Variants in RFPL4B observed in about 807,000 individuals in gnomAD.
RFPL4B encodes the protein ret finger protein-like 4B.
For synonymous variants in RFPL4B, 118 were observed against 126.3 expected, an observed-to-expected ratio of 0.93 and a Z score of 0.44; for missense variants, 314 against 327.7, an observed-to-expected ratio of 0.96 and a Z score of 0.32.
In RFPL4B at chr6:112,350,989, G is replaced by T; in HGVS notation, c.*489G>T. On this transcript the variant is annotated 3_prime_UTR_variant, in exon 3 of 3. Transcript: ENST00000441065. ...GTGAGTTATTTTGTTGATACAGCAT[G>T]AAATTTCAGAGAGACAAACTGATAT... is the stretch of plus-strand genomic sequence containing the variant. The T allele has an allele frequency of 6.3e-6, 1 of 159,184 alleles. No homozygotes were observed. 9.9% of individuals were successfully genotyped at this position (159,184 alleles called of 1,614,324 possible). A position where few individuals can be genotyped will look rare whatever the true frequency, so the allele number is the denominator to read the frequency against.
rs1265439595 is a variant in RFPL4B, at chr6:112,350,779, C to T, written c.*279C>T. On this transcript the variant is annotated 3_prime_UTR_variant, in exon 3 of 3. Coordinates refer to ENST00000441065, the MANE Select transcript of RFPL4B (RefSeq NM_001013734.3). ...TGCGGATAATTGTATCTCAGTCAAA[C>T]AGCTGTGGTAATTAGAGACAATACT... is the stretch of plus-strand genomic sequence containing the variant. 6 of 335,856 alleles carry T rather than the reference C, an allele frequency of 1.8e-5. No individual in the cohort carries two copies. The Admixed American group carries it at 2.2e-4, about 12-fold the overall frequency. 20.8% of individuals were successfully genotyped at this position (335,856 alleles called of 1,614,324 possible). A position where few individuals can be genotyped will look rare whatever the true frequency, so the allele number is the denominator to read the frequency against.
chr6:112,348,121 T>G (rs1376036447), intron 1 of RFPL4B, among the ~76,000 whole-genome samples: 1 of 152,256 alleles, frequency 6.6e-6, no homozygotes, highest in Non-Finnish European at 1.5e-5. Flanking sequence ...AACACTGAAA[T>G]GAACAACTTG....
At chr6:112,348,853 G>A (rs1200252402) in intron 1 of RFPL4B, among the ~76,000 whole-genome samples, 1 of 152,270 alleles carries the variant, frequency 6.6e-6, no homozygotes, top group African/African-American at 2.4e-5. Flanking sequence ...GTAACAGGAG[G>A]GCATCTTCCT....
intron 2 of RFPL4B, 50 bp from the exon 3 acceptor site, chr6:112,349,554 G>A: frequency 3.3e-6 from 1 of 298,510 alleles, no homozygotes; most frequent in Non-Finnish European, 6.3e-6. Context: ...ATTCATTTAT[G>A]TATGCCAATA....
chr6:112,350,581 G>T lies in RFPL4B; in HGVS notation c.*81G>T. ...GAAAGGTCAGCATGATTGAGGAAGAGATAATGTGCTATAGTGCAAAGACTT... is the reference window on the plus strand; with the variant it reads ...GAAAGGTCAGCATGATTGAGGAAGATATAATGTGCTATAGTGCAAAGACTT... On this transcript the variant is annotated 3_prime_UTR_variant, in exon 3 of 3. Transcript: ENST00000441065. 9.3e-7 allele frequency: 1 copy of T among 1,078,288 alleles called. No homozygotes were observed. The highest frequency in any genetic ancestry group is 1.6e-5 in the South Asian group (1 of 63,362). The allele number at this position is 1,078,288 out of a possible 1,614,324, so 66.8% of individuals were successfully genotyped here. A position where few individuals can be genotyped will look rare whatever the true frequency, so the allele number is the denominator to read the frequency against.
rs1432224262 is a variant in RFPL4B, at chr6:112,349,948, T to C, written c.240T>C (p.Leu80=). The C allele has an allele frequency of 1.2e-6, 2 of 1,614,096 alleles. No homozygotes were observed. The highest frequency in any genetic ancestry group is 2.2e-5 in the East Asian group (1 of 44,900). ...TLMTKQHNSR[L]EQSLHVREEL... is the part of the protein sequence containing the mutation. The stretch of plus-strand genomic sequence containing the variant: ...TGACCAAGCAGCACAATAGCCGACT[T>C]GAGCAAAGTCTGCACGTGAGGGAGG... The change falls in exon 3 of 3, where the codon CTT becomes CTC. Residue 80 remains leucine (L), a synonymous_variant. Transcript: ENST00000441065.
At position 112,349,782 on chromosome 6, in the gene RFPL4B, CTT is replaced by C; in HGVS notation, c.75_76del (p.Cys26TyrfsTer7). On this transcript the variant is annotated frameshift_variant, in exon 3 of 3. Transcript: ENST00000441065. LOFTEE classifies it low-confidence loss of function (END_TRUNC). Reference sequence around the variant, plus strand: ...TTTTTCTCCTGTTCCATTTCTCTCTCTTGTACACACGTGTTCTGCTTTGATTG... The same window carrying C: ...TTTTTCTCCTGTTCCATTTCTCTCTCGTACACACGTGTTCTGCTTTGATTG... The C allele has an allele frequency of 2.5e-6, 4 of 1,614,082 alleles. No individual in the cohort carries two copies. The highest frequency in any genetic ancestry group is 2.5e-6 in the Non-Finnish European group (3 of 1,180,022).
At position 112,350,604 on chromosome 6, in the gene RFPL4B, C is replaced by A; in HGVS notation, c.*104C>A. 1 of 892,520 alleles carries A rather than the reference C, an allele frequency of 1.1e-6. No individual in the cohort carries two copies. Among genetic ancestry groups the A allele is most frequent in the Non-Finnish European group, 1.7e-6 (1 of 597,022 alleles). 55.3% of individuals were successfully genotyped at this position (892,520 alleles called of 1,614,324 possible). ...GAGATAATGTGCTATAGTGCAAAGACTTGGTAAATTTTTAAAGTAGATTTT... is the reference window on the plus strand; with the variant it reads ...GAGATAATGTGCTATAGTGCAAAGAATTGGTAAATTTTTAAAGTAGATTTT... On this transcript the variant is annotated 3_prime_UTR_variant, in exon 3 of 3. Transcript: ENST00000441065.
chr6:112,348,929 A>T (rs944347315), intron 1 of RFPL4B, among the ~76,000 whole-genome samples: 1 of 152,156 alleles, frequency 6.6e-6, no homozygotes, highest in African/African-American at 2.4e-5. Flanking sequence ...TGACTATTAT[A>T]TTTTTATTCA....
intron 1 of RFPL4B, among the ~76,000 whole-genome samples, chr6:112,348,284 C>A (rs1349484801): frequency 6.6e-6 from 1 of 152,182 alleles, no homozygotes; most frequent in Non-Finnish European, 1.5e-5. Flanking sequence ...CTCTGGTTGT[C>A]CGCCAGCCAG....
chr6:112,348,226 A>G (rs1789107709), intron 1 of RFPL4B, among the ~76,000 whole-genome samples: 1 of 152,154 alleles, frequency 6.6e-6, no homozygotes, highest in African/African-American at 2.4e-5. Flanking sequence ...ACCATGTTAA[A>G]TTTCCCATTA....
rs200858654 is a variant in RFPL4B at position 112,350,212 on chromosome 6, C to T, written c.504C>T (p.Asp168=). The change falls in exon 3 of 3, where the codon GAC becomes GAT. Residue 168 remains aspartate (D), a synonymous_variant. Transcript: ENST00000441065. ...TGGGCGTCTGCAAGGAGCCGGCTGA[C>T]AGAAAGAGCAATGATTTATTCCCTG... ...WSLGVCKEPA[D]RKSNDLFPEH... is the part of the protein sequence containing the mutation. The T allele has an allele frequency of 5.3e-5, 85 of 1,614,068 alleles. No homozygotes were observed. In the Middle Eastern group the frequency reaches 6.6e-4, roughly 12 times the overall value.
chr6:112,349,548 A>G (rs960984082), intron 2 of RFPL4B, 56 bp from the exon 3 acceptor site: 1 of 267,986 alleles, frequency 3.7e-6, no homozygotes, highest in Middle Eastern at 1.3e-3. Flanking sequence ...AATATAATTC[A>G]TTTATGTATG....
rs1325602416 is a variant in RFPL4B at position 112,350,491 on chromosome 6, C to T, written c.783C>T (p.Ile261=). Residue 261 remains isoleucine, a synonymous_variant, in exon 3 of 3, where the codon ATC becomes ATT. Transcript: ENST00000441065. ...GEGESGNVLT[I]CP is the part of the protein sequence containing the mutation. ...GGGAGAGTGGCAACGTCCTGACCATCTGCCCATGAGAAAGTCAGCCCTTCC... is the reference window on the plus strand; with the variant it reads ...GGGAGAGTGGCAACGTCCTGACCATTTGCCCATGAGAAAGTCAGCCCTTCC... 1 of 1,579,196 alleles carries T rather than the reference C, an allele frequency of 6.3e-7. No homozygotes were observed. The highest frequency in any genetic ancestry group is 1.4e-5 in the African/African-American group (1 of 73,516).
Position 112,350,449 on chromosome 6 carries a change from T to G in RFPL4B, c.741T>G (p.Leu247=). ...AGCTTTTGTGTCCATTCTTCTGTCT[T>G]GAGCTCTTGGGAGAAGGGGAGAGTG... The part of the protein sequence containing the change: ...SLELLCPFFC[L]ELLGEGESGN... The change falls in exon 3 of 3, where the codon CTT becomes CTG. Residue 247 remains leucine, a synonymous_variant. Transcript: ENST00000441065. 3.1e-6 allele frequency: 5 copies of G among 1,609,182 alleles called. No homozygotes were observed. The highest frequency in any genetic ancestry group is 4.3e-6 in the Non-Finnish European group (5 of 1,176,296).
chr6:112,348,701 G>A (rs1018658149), intron 1 of RFPL4B, among the ~76,000 whole-genome samples: 3 of 152,156 alleles, frequency 2.0e-5, no homozygotes, highest in African/African-American at 7.2e-5. Context: ...CCAGCTTTGC[G>A]AGGCTGTCTT....
chr6:112,350,554 G>A lies in RFPL4B; in HGVS notation c.*54G>A, dbSNP rs977181273. 6.5e-6 allele frequency: 9 copies of A among 1,387,926 alleles called. No homozygotes were observed. In the Admixed American group the frequency reaches 8.8e-5, roughly 14 times the overall value. 86.0% of individuals were successfully genotyped at this position (1,387,926 alleles called of 1,614,324 possible). A position where few individuals can be genotyped will look rare whatever the true frequency, so the allele number is the denominator to read the frequency against. On this transcript the variant is annotated 3_prime_UTR_variant, in exon 3 of 3. Transcript: ENST00000441065. ...GAGAGGTGAAAGAGAATTTTGGCCTGAGAAAGGTCAGCATGATTGAGGAAG... is the reference window on the plus strand; with the variant it reads ...GAGAGGTGAAAGAGAATTTTGGCCTAAGAAAGGTCAGCATGATTGAGGAAG...
intron 1 of RFPL4B, among the ~76,000 whole-genome samples, chr6:112,347,801 C>A (rs1248003114): frequency 6.6e-6 from 1 of 152,186 alleles, no homozygotes; most frequent in Non-Finnish European, 1.5e-5. Context: ...TGGTGAAACC[C>A]CGTCTCTACT....
chr6:112,350,255 A>C lies in RFPL4B; in HGVS notation c.547A>C (p.Ser183Arg). 1 of 1,614,266 alleles carries C rather than the reference A, an allele frequency of 6.2e-7. No individual in the cohort carries two copies. The highest frequency in any genetic ancestry group is 8.5e-7 in the Non-Finnish European group (1 of 1,180,048). The part of the protein sequence containing the change: ...DLFPEHGFWI[S>R]MKAGAIHANT... ...ATTCCCTGAGCATGGCTTCTGGATC[A>C]GCATGAAGGCAGGAGCAATCCATGC... The change falls in exon 3 of 3, where the codon AGC (serine) becomes CGC (arginine). Residue 183 changes from serine (S) to arginine (R), a missense_variant. Transcript: ENST00000441065.
Sources: gnomAD v4.1 joint callset for allele counts (sites outside exome capture counted in the v4.1 genomes callset) on GRCh38, gnomAD v4.1.1 for gene constraint, MANE v1.5 for transcripts, NCBI Gene and HGNC (gene_info 2026-07-23, HGNC 2026-07-21) for gene names.